CELF5: variants seen among roughly 807,000 people sequenced by gnomAD.
CELF5 encodes CUG-BP and ETR-3 like factor 5.
In CELF5, 6 loss-of-function variants were observed where a neutral mutation model predicts 54.9. The observed-to-expected ratio is 0.11, with a 90% CI of 0.06 to 0.22. The LOEUF is 0.22. Among genes scored for constraint, CELF5 ranks in the 10% least tolerant of loss-of-function variants. CELF5 has a pLI of 1.00. For synonymous variants in CELF5, 271 were observed against 290.9 expected (o/e 0.93, Z 0.70); for missense variants, 401 against 678.6 (o/e 0.59, Z 4.54).
intron 2 of CELF5, among the ~76,000 whole-genome samples, chr19:3,262,876 T>C (rs1053337390): frequency 2.0e-5 from 3 of 151,538 alleles, no homozygotes; most frequent in South Asian, 2.1e-4. Flanking sequence ...GAGGTGGAGG[T>C]TGCAGTGAGT....
chr19:3,249,882 G>T (rs963974542), intron 1 of CELF5, among the ~76,000 whole-genome samples: 1 of 152,134 alleles, frequency 6.6e-6, no homozygotes, highest in Non-Finnish European at 1.5e-5. Context: ...GGGACCACTA[G>T]TGCCCTCCCC....
intron 2 of CELF5, among the ~76,000 whole-genome samples, chr19:3,273,564 G>GT (rs1388523034): frequency 6.6e-6 from 1 of 152,180 alleles, no homozygotes; most frequent in African/African-American, 2.4e-5. Context: ...GTTCTTGATG[G>GT]TAGGAACTGC....
intron 10 of CELF5, among the ~76,000 whole-genome samples, chr19:3,288,156 G>A (rs1273962272): frequency 6.6e-6 from 1 of 152,184 alleles, no homozygotes; most frequent in Non-Finnish European, 1.5e-5. Flanking sequence ...GGATGAAGCA[G>A]TGCACGAACA....
intron 2 of CELF5, among the ~76,000 whole-genome samples, chr19:3,255,029 T>C (rs10419993): frequency 0.2 from 30,273 of 152,004 alleles, 3,432 homozygotes; most frequent in East Asian, 0.53. Flanking sequence ...TCTTTCCATC[T>C]ATCCACCAAA....
At chr19:3,241,089 G>T (rs1289635988) in intron 1 of CELF5, among the ~76,000 whole-genome samples, 5 of 149,016 alleles carry the variant, frequency 3.4e-5, no homozygotes, top group African/African-American at 9.9e-5. Flanking sequence ...TTGAGGCGGA[G>T]TCTTGCTCTG....
intron 1 of CELF5, among the ~76,000 whole-genome samples, chr19:3,250,199 A>G (rs139311276): frequency 4.7e-4 from 71 of 152,284 alleles, no homozygotes; most frequent in African/African-American, 1.7e-3. Flanking sequence ...TTTTAAATGC[A>G]TGGTTCAGGC....
chr19:3,246,966 A>C (rs2079575569), intron 1 of CELF5, among the ~76,000 whole-genome samples: 1 of 152,234 alleles, frequency 6.6e-6, no homozygotes, highest in Non-Finnish European at 1.5e-5. Context: ...ATATAAGTCC[A>C]AAAACAGGAA....
intron 1 of CELF5, among the ~76,000 whole-genome samples, chr19:3,231,609 A>T (rs58689322): frequency 1.5e-3 from 223 of 148,070 alleles, no homozygotes; most frequent in African/African-American, 5.3e-3. Flanking sequence ...GGATGGATGG[A>T]TGGATAGATG....
chr19:3,267,022 C>A (rs1049285479), intron 2 of CELF5, among the ~76,000 whole-genome samples: 8 of 152,166 alleles, frequency 5.3e-5, no homozygotes, highest in African/African-American at 1.9e-4. Flanking sequence ...GAGACAGCCA[C>A]CATCTCTCCT....
intron 1 of CELF5, among the ~76,000 whole-genome samples, chr19:3,246,404 A>G (rs1162305423): frequency 1.3e-5 from 2 of 149,700 alleles, no homozygotes; most frequent in Non-Finnish European, 3.0e-5. Flanking sequence ...TCTCATATGT[A>G]TATATATATA....
intron 2 of CELF5, among the ~76,000 whole-genome samples, chr19:3,257,326 T>G (rs556338957): frequency 2.0e-5 from 3 of 146,794 alleles, no homozygotes; most frequent in Non-Finnish European, 1.5e-5. Context: ...AGGGGGAGAG[T>G]AGGTGGAGGA....
chr19:3,279,410 C>A (rs2080111325), intron 5 of CELF5, among the ~76,000 whole-genome samples: 1 of 152,116 alleles, frequency 6.6e-6, no homozygotes, highest in Non-Finnish European at 1.5e-5. Context: ...GAGGAACAAG[C>A]CACCTCTCTC....
chr19:3,250,872 C>A (rs2145061198), intron 1 of CELF5, 113 bp from the exon 2 acceptor site: 1 of 490,874 alleles, frequency 2.0e-6, no homozygotes, highest in Non-Finnish European at 3.7e-6. Flanking sequence ...TAGATCTATG[C>A]ATCTGTGGAT....
chr19:3,290,421 GC>G (rs767748736), intron 11 of CELF5, 47 bp downstream of exon 11: 94 of 1,605,054 alleles, frequency 5.9e-5, no homozygotes, highest in Non-Finnish European at 7.5e-5. Context: ...TCCCTCGCCT[GC>G]CCCCTGACAG....
In CELF5 at chr19:3,233,577, C is replaced by T. The variant is rs367923962; in HGVS notation, c.259+8579C>T. On this transcript the variant is annotated intron_variant, in intron 1 of 12. Transcript: ENST00000292672. ...TGTTATGCTACAACCAAGGGAAAGG[C>T]GTTCCAGGAAGAGTGCAGAGGCCCT... Among the ~76,000 whole-genome samples the T allele has an allele frequency of 7.2e-5, 11 of 152,234 alleles. No individual in the cohort carries two copies. The East Asian group carries it at 1.7e-3, about 24-fold the overall frequency.
Position 3,278,420 on chromosome 19 carries a change from C to CAT in CELF5, c.603+311_603+312dup, listed in dbSNP as rs1372373323. 2.6e-5 allele frequency among the ~76,000 whole-genome samples: 4 copies of CAT among 151,292 alleles called. No individual in the cohort carries two copies. In the East Asian group the frequency reaches 5.9e-4, roughly 22 times the overall value. On this transcript the variant is annotated intron_variant, in intron 5 of 12. Coordinates refer to ENST00000292672, the MANE Select transcript of CELF5 (RefSeq NM_021938.4). The surrounding 1 kb of genome is among the most constrained non-coding windows in gnomAD (Gnocchi z 4.5). ...GTGTGAGTGTGCCCGAGACTGCATG[C>CAT]ATGTGTGTGTGTGAGTGCGTGTTTG... is the stretch of plus-strand genomic sequence containing the variant.
chr19:3,234,534 C>T (rs1917428127), intron 1 of CELF5, among the ~76,000 whole-genome samples: 1 of 152,048 alleles, frequency 6.6e-6, no homozygotes, highest in Non-Finnish European at 1.5e-5. Flanking sequence ...TGCTCAATAC[C>T]CCACAGCGCC....
intron 11 of CELF5, 128 bp from the exon 12 acceptor site, chr19:3,293,191 C>A: frequency 7.9e-7 from 1 of 1,258,190 alleles, no homozygotes; most frequent in Non-Finnish European, 1.1e-6. Flanking sequence ...CACAAACACC[C>A]TGGCCTGTGC....
At chr19:3,243,169 C>T (rs2079515620) in intron 1 of CELF5, among the ~76,000 whole-genome samples, 1 of 151,754 alleles carries the variant, frequency 6.6e-6, no homozygotes, top group Non-Finnish European at 1.5e-5. Flanking sequence ...TCAGTTTTTT[C>T]TTTTTTTCTT....
Sources: gnomAD v4.1 joint callset for allele counts (sites outside exome capture counted in the v4.1 genomes callset) on GRCh38, gnomAD v4.1.1 for gene constraint, Gnocchi (gnomAD v3.1) non-coding constraint, MANE v1.5 for transcripts, NCBI Gene and HGNC (gene_info 2026-07-23, HGNC 2026-07-21) for gene names.